TMEM74: variants seen among roughly 807,000 people sequenced by gnomAD.
TMEM74 encodes transmembrane protein 74.
In TMEM74, 13 loss-of-function variants were observed where a neutral mutation model predicts 18.1. The observed-to-expected ratio is 0.72, with a 90% CI of 0.47 to 1.14. The LOEUF is 1.14. TMEM74 is among the 50% of genes most tolerant of loss of function. TMEM74 has a pLI of 0.00. For missense variants in TMEM74, 372 were observed against 375.9 expected, an observed-to-expected ratio of 0.99 and a Z score of 0.09; for synonymous variants, 159 against 146.6, an observed-to-expected ratio of 1.08 and a Z score of -0.61.
chr8:108,658,323 AAC>A (rs1812866672), intron 1 of TMEM74, among the ~76,000 whole-genome samples: 1 of 152,058 alleles, frequency 6.6e-6, no homozygotes, highest in African/African-American at 2.4e-5. Flanking sequence ...AATAATCAGG[AAC>A]ATTGGCATAT....
In TMEM74 at chr8:108,783,338, T is replaced by C. The variant is rs998983323; in HGVS notation, c.*843A>G. 3.3e-5 allele frequency among the ~76,000 whole-genome samples: 5 copies of C among 152,186 alleles called. No homozygotes were observed. Among genetic ancestry groups the C allele is most frequent in the African/African-American group, 1.2e-4 (5 of 41,440 alleles). ...TAGATGTCTGGAAATATATTTAAAA[T>C]GTCTCATGCCTTGCCTCTTGCTGCT... On this transcript the variant is annotated 3_prime_UTR_variant, in exon 2 of 2. Coordinates refer to ENST00000297459, the MANE Select transcript of TMEM74 (RefSeq NM_153015.3).
At chr8:108,764,086 AG>A (rs1300991082) in intron 1 of TMEM74, among the ~76,000 whole-genome samples, 5 of 152,142 alleles carry the variant, frequency 3.3e-5, no homozygotes, top group African/African-American at 1.2e-4. Flanking sequence ...CTACACATAG[AG>A]GGAAAACTTG....
intron 1 of TMEM74, among the ~76,000 whole-genome samples, chr8:108,686,992 C>T (rs1813176794): frequency 6.6e-6 from 1 of 151,964 alleles, no homozygotes; most frequent in African/African-American, 2.4e-5. Context: ...ATTTAATTTC[C>T]AATATTTGAA....
chr8:108,774,948 A>G (rs1225782247), downstream of TMEM74, among the ~76,000 whole-genome samples: 1 of 151,970 alleles, frequency 6.6e-6, no homozygotes, highest in African/African-American at 2.4e-5. Flanking sequence ...GAGGAAGACT[A>G]AAGGACCCAT....
rs372375064 is a variant in TMEM74, at chr8:108,646,908, G to C, written n.264+8385C>G. Among the ~76,000 whole-genome samples the C allele has an allele frequency of 2.6e-5, 4 of 152,160 alleles. No homozygotes were observed. The East Asian group carries it at 7.7e-4, about 29-fold the overall frequency. On this transcript the variant is annotated intron_variant and non_coding_transcript_variant, in intron 2 of 3. Transcript: ENST00000518838. ...TACATTGGAGAATAACACAGGGGTGGGTTCCTCCTTGGTTATTTCATTATA... is the reference window on the plus strand; with the variant it reads ...TACATTGGAGAATAACACAGGGGTGCGTTCCTCCTTGGTTATTTCATTATA...
intron 2 of TMEM74, among the ~76,000 whole-genome samples, chr8:108,617,583 C>G (rs1812397737): frequency 6.6e-6 from 1 of 151,950 alleles, no homozygotes; most frequent in South Asian, 2.1e-4. Flanking sequence ...AGGGAGTCAT[C>G]ATTTCAAAAG....
In TMEM74 at chr8:108,607,096, T is replaced by G. The variant is rs1490937268; in HGVS notation, n.1009A>C. 6 of 152,226 alleles carry G rather than the reference T, an allele frequency of 3.9e-5. No individual in the cohort carries two copies. The East Asian group carries it at 1.2e-3, about 29-fold the overall frequency. The allele number at this position is 152,226 out of a possible 1,614,324, so 9.4% of individuals were successfully genotyped here. A position where few individuals can be genotyped will look rare whatever the true frequency, so the allele number is the denominator to read the frequency against. On this transcript the variant is annotated non_coding_transcript_exon_variant, in exon 4 of 4. Coordinates refer to the TMEM74 transcript ENST00000518838. Reference sequence around the variant, plus strand: ...TTGGGCTTCTCACAGTGCAGTAATCTTGGGGTAATCACATTTCTTGCATGT... The same window carrying G: ...TTGGGCTTCTCACAGTGCAGTAATCGTGGGGTAATCACATTTCTTGCATGT...
At position 108,782,636 on chromosome 8, in the gene TMEM74, A is replaced by G. The variant is rs1199361708; in HGVS notation, c.*1545T>C. Among the ~76,000 whole-genome samples, 2 of 152,206 alleles carry G rather than the reference A, an allele frequency of 1.3e-5. No homozygotes were observed. Among genetic ancestry groups the G allele is most frequent in the African/African-American group, 2.4e-5 (1 of 41,460 alleles). On this transcript the variant is annotated 3_prime_UTR_variant, in exon 2 of 2. Transcript: ENST00000297459. The stretch of plus-strand genomic sequence containing the variant: ...ACCCATGTATTCCACAGTTGTCCAC[A>G]ACACCACAAACTTCAGACATTTGAA...
At chr8:108,664,560 A>G (rs1812931110) in intron 1 of TMEM74, among the ~76,000 whole-genome samples, 1 of 152,084 alleles carries the variant, frequency 6.6e-6, no homozygotes, top group East Asian at 1.9e-4. Context: ...TTTTCTAGGT[A>G]TAGAATCATA....
At chr8:108,728,923 C>T (rs10096463) in intron 1 of TMEM74, among the ~76,000 whole-genome samples, 4 of 152,170 alleles carry the variant, frequency 2.6e-5, no homozygotes, top group Middle Eastern at 3.4e-3. Flanking sequence ...ACTAAATAAA[C>T]GGTAATTTAA....
chr8:108,782,048 T>A lies in TMEM74; in HGVS notation c.*2133A>T, dbSNP rs954063596. The stretch of plus-strand genomic sequence containing the variant: ...CTCAGTTGATCTCATTTAGCTTCTA[T>A]GAATAAACATTAGTTTTTTCTTTAA... On this transcript the variant is annotated 3_prime_UTR_variant, in exon 2 of 2. Transcript: ENST00000297459. Among the ~76,000 whole-genome samples, 1 of 152,252 alleles carries A rather than the reference T, an allele frequency of 6.6e-6. No homozygotes were observed. The highest frequency in any genetic ancestry group is 1.5e-5 in the Non-Finnish European group (1 of 68,044).
intron 2 of TMEM74, among the ~76,000 whole-genome samples, chr8:108,635,910 C>T (rs1032112329): frequency 2.0e-5 from 3 of 152,032 alleles, no homozygotes; most frequent in Admixed American, 6.6e-5. Flanking sequence ...TTCAAATGGA[C>T]AGAGTGGCTA....
intron 2 of TMEM74, among the ~76,000 whole-genome samples, chr8:108,645,786 C>T (rs1036360213): frequency 6.6e-6 from 1 of 152,080 alleles, no homozygotes; most frequent in Non-Finnish European, 1.5e-5. Flanking sequence ...AAGAGATAAC[C>T]AAGGGATTAA....
At chr8:108,678,897 C>A (rs574567842) in intron 1 of TMEM74, among the ~76,000 whole-genome samples, 2 of 118,800 alleles carry the variant, frequency 1.7e-5, no homozygotes, top group African/African-American at 3.1e-5. Context: ...TCCTCCCCCC[C>A]TCCCCCCACC....
At chr8:108,741,672 A>G (rs1229591522) in intron 1 of TMEM74, among the ~76,000 whole-genome samples, 1 of 152,220 alleles carries the variant, frequency 6.6e-6, no homozygotes, top group Non-Finnish European at 1.5e-5. Flanking sequence ...TAACTTTAGG[A>G]AACAAATAAG....
At chr8:108,707,254 C>T (rs1813425297) in intron 1 of TMEM74, among the ~76,000 whole-genome samples, 1 of 151,674 alleles carries the variant, frequency 6.6e-6, no homozygotes. Flanking sequence ...TTAATGGGTG[C>T]AGCAAACCAA....
chr8:108,741,466 G>C (rs573118393), intron 1 of TMEM74, among the ~76,000 whole-genome samples: 1 of 152,280 alleles, frequency 6.6e-6, no homozygotes, highest in South Asian at 2.1e-4. Context: ...AGAAGCTATA[G>C]AGGTTTATTT....
In TMEM74 at chr8:108,738,180, G is replaced by A. The variant is rs1203586339; in HGVS notation, n.119+49296C>T. Among the ~76,000 whole-genome samples, 3 of 152,072 alleles carry A rather than the reference G, an allele frequency of 2.0e-5. No homozygotes were observed. The East Asian group carries it at 5.8e-4, about 29-fold the overall frequency. On this transcript the variant is annotated intron_variant and non_coding_transcript_variant, in intron 1 of 3. Transcript: ENST00000518838. Reference sequence around the variant, plus strand: ...GGCCCCAATTTTAACCATGGTCTATGGGACTACTTTATTGATGTATCCAGT... The same window carrying A: ...GGCCCCAATTTTAACCATGGTCTATAGGACTACTTTATTGATGTATCCAGT...
At chr8:108,669,508 T>C (rs1343461300) in intron 1 of TMEM74, among the ~76,000 whole-genome samples, 1 of 152,192 alleles carries the variant, frequency 6.6e-6, no homozygotes, top group Non-Finnish European at 1.5e-5. Flanking sequence ...AAGAAAATCA[T>C]ATCCTTCAAT....
Sources: gnomAD v4.1 joint callset for allele counts (sites outside exome capture counted in the v4.1 genomes callset) on GRCh38, gnomAD v4.1.1 for gene constraint, MANE v1.5 for transcripts, NCBI Gene and HGNC (gene_info 2026-07-23, HGNC 2026-07-21) for gene names.